Variants in MALSU1 observed in about 807,000 individuals in gnomAD.
MALSU1 encodes mitochondrial assembly of ribosomal large subunit 1.
In MALSU1, 22 loss-of-function variants were observed where a neutral mutation model predicts 22.1. The observed-to-expected ratio is 1.00, with a 90% confidence interval of 0.71 to 1.42. MALSU1 has a LOEUF of 1.42. Ranked by LOEUF, MALSU1 falls within the 40% of genes most tolerant of loss-of-function variation. The pLI is 0.00. For synonymous variants in MALSU1, 153 were observed against 118.5 expected, an observed-to-expected ratio of 1.29 and a Z score of -1.89; for missense variants, 379 against 308.3, an observed-to-expected ratio of 1.23 and a Z score of -1.72.
In MALSU1 at chr7:23,299,481, C is replaced by G; in HGVS notation, c.129C>G (p.Pro43=). The change falls in exon 1 of 4, where the codon CCC becomes CCG. Residue 43 remains proline (P), a synonymous_variant. Coordinates refer to ENST00000466681, the MANE Select transcript of MALSU1 (RefSeq NM_138446.2). ...GGCTGCTGGCCGTGCAGCGGCTTCC[C>G]GTAGGAGCAGCGTTCTGCCGGGCTT... ...GLRLLAVQRL[P]VGAAFCRACQ... 5 of 1,610,796 alleles carry G rather than the reference C, an allele frequency of 3.1e-6. No individual in the cohort carries two copies. Among genetic ancestry groups the G allele is most frequent in the Non-Finnish European group, 4.2e-6 (5 of 1,179,710 alleles).
chr7:23,301,029 TC>T lies in MALSU1; in HGVS notation c.435+13del, dbSNP rs752583239. On this transcript the variant is annotated intron_variant, in intron 2 of 3. Transcript: ENST00000466681. ...ACGTTGTGAAAATGGTAGGATGCTT[TC>T]TTTTCTCTTTTGGACCATTAACTGA... The T allele has an allele frequency of 4.4e-6, 7 of 1,606,594 alleles. No individual in the cohort carries two copies. In the South Asian group the frequency reaches 6.7e-5, roughly 15 times the overall value.
chr7:23,308,081 G>T, intron 3 of MALSU1, 132 bp downstream of exon 3: 1 of 760,740 alleles, frequency 1.3e-6, no homozygotes, highest in African/African-American at 1.8e-5. Context: ...TGTGTTTAAG[G>T]TAACAAAAGT....
At chr7:23,305,778 T>A (rs978030960) in intron 2 of MALSU1, among the ~76,000 whole-genome samples, 11 of 152,236 alleles carry the variant, frequency 7.2e-5, no homozygotes. Context: ...AGTATTGGCA[T>A]CTTTACAATA....
rs754315712 is a variant in MALSU1 at position 23,309,427 on chromosome 7, C to CG, written c.590dup (p.Ser198PhefsTer3). On this transcript the variant is annotated frameshift_variant, in exon 4 of 4. Transcript: ENST00000466681. LOFTEE classifies it high-confidence loss of function. Reference sequence around the variant, plus strand: ...TGAATTAGAGAAATTATGGACCCTACGTTCTTATGATGACCAGTTAGCTCA... The same window carrying CG: ...TGAATTAGAGAAATTATGGACCCTACGGTTCTTATGATGACCAGTTAGCTCA... The CG allele has an allele frequency of 5.7e-5, 92 of 1,613,446 alleles. No homozygotes were observed. The highest frequency in any genetic ancestry group is 7.4e-5 in the Non-Finnish European group (87 of 1,179,784).
rs1373677026 is a variant in MALSU1 at position 23,307,877 on chromosome 7, C to G, written c.445C>G (p.Leu149Val). 3 of 1,613,466 alleles carry G rather than the reference C, an allele frequency of 1.9e-6. No individual in the cohort carries two copies. The African/African-American group carries it at 4.0e-5, about 22-fold the overall frequency. The change falls in exon 3 of 4, where the codon CTG becomes GTG. Residue 149 changes from leucine (L) to valine (V), a missense_variant. Physicochemically the swap from Leu to Val is conservative, Grantham distance 32 (BLOSUM62 1). Coordinates refer to ENST00000466681, the MANE Select transcript of MALSU1 (RefSeq NM_138446.2). ...AFYVVKMYKH[L>V]KCKRDPHVKI... ...ACCTGGCTTTTTGCAGTACAAACAC[C>G]TGAAATGTAAACGTGACCCTCATGT...
rs1364515737 is a variant in MALSU1 at position 23,310,073 on chromosome 7, C to G, written c.*530C>G. The G allele has an allele frequency of 6.6e-6, 1 of 152,032 alleles. No homozygotes were observed. Among genetic ancestry groups the G allele is most frequent in the Non-Finnish European group, 1.5e-5 (1 of 68,034 alleles). The allele number at this position is 152,032 out of a possible 1,614,324, so 9.4% of individuals were successfully genotyped here. A position where few individuals can be genotyped will look rare whatever the true frequency, so the allele number is the denominator to read the frequency against. ...AACGCTCTAGTTCTTAGTTCATATGCAAGAGTATTATCAAGGTTCACATTA... is the reference window on the plus strand; with the variant it reads ...AACGCTCTAGTTCTTAGTTCATATGGAAGAGTATTATCAAGGTTCACATTA... On this transcript the variant is annotated 3_prime_UTR_variant, in exon 4 of 4. Transcript: ENST00000466681.
At position 23,307,968 on chromosome 7, in the gene MALSU1, T is replaced by C. The variant is rs2128489564; in HGVS notation, c.517+19T>C. 1.3e-6 allele frequency: 2 copies of C among 1,558,988 alleles called. No homozygotes were observed. Among genetic ancestry groups the C allele is most frequent in the Non-Finnish European group, 1.8e-6 (2 of 1,129,870 alleles). The stretch of plus-strand genomic sequence containing the variant: ...GATTTTGGTAAGTTATTCTGGCGTA[T>C]TTTACAGGTAACTGTTGGTACTACG... On this transcript the variant is annotated intron_variant, in intron 3 of 3. Transcript: ENST00000466681.
chr7:23,309,316 G>T, intron 3 of MALSU1, 40 bp from the exon 4 acceptor site: 1 of 1,542,366 alleles, frequency 6.5e-7, no homozygotes. Context: ...AAAAGCAAAT[G>T]AACTATTCCT....
chr7:23,303,014 G>A (rs1053325269), intron 2 of MALSU1, among the ~76,000 whole-genome samples: 14 of 152,152 alleles, frequency 9.2e-5, no homozygotes, highest in South Asian at 8.3e-4. Flanking sequence ...TGACCACCTC[G>A]GCCTCCCAAA....
intron 3 of MALSU1, among the ~76,000 whole-genome samples, chr7:23,308,555 A>G (rs1175440865): frequency 6.6e-6 from 1 of 152,192 alleles, no homozygotes; most frequent in Non-Finnish European, 1.5e-5. Context: ...GTAAAAGACA[A>G]GACTATTAGA....
chr7:23,299,507 G>GC lies in MALSU1; in HGVS notation c.157dup (p.Gln53ProfsTer41). 8.7e-6 allele frequency: 14 copies of GC among 1,612,424 alleles called. No homozygotes were observed. The highest frequency in any genetic ancestry group is 1.2e-5 in the Non-Finnish European group (14 of 1,179,866). On this transcript the variant is annotated frameshift_variant, in exon 1 of 4. Transcript: ENST00000466681. LOFTEE classifies it high-confidence loss of function. ...GTAGGAGCAGCGTTCTGCCGGGCTT[G>GC]CCAGACCCCAAACTTTGTCCGCGGC...
chr7:23,310,140 G>A lies in MALSU1; in HGVS notation c.*597G>A, dbSNP rs186194327. 46 of 152,170 alleles carry A rather than the reference G, an allele frequency of 3.0e-4. No homozygotes were observed. The highest frequency in any genetic ancestry group is 1.1e-3 in the African/African-American group (46 of 41,538). 9.4% of individuals were successfully genotyped at this position (152,170 alleles called of 1,614,324 possible). On this transcript the variant is annotated 3_prime_UTR_variant, in exon 4 of 4. Coordinates refer to ENST00000466681, the MANE Select transcript of MALSU1 (RefSeq NM_138446.2). ...ATGGTATAACAGAAATCTGCGTAGA[G>A]TTTGAAAAAAAATTCAGAACATTCC... is the stretch of plus-strand genomic sequence containing the variant.
chr7:23,311,186 C>G lies in MALSU1; in HGVS notation c.*1643C>G, dbSNP rs1378542442. ...TAGTGAGGCTCATGACAGTGCTGGC[C>G]CCATGGAAATGTAGCCTTTTGTTGC... On this transcript the variant is annotated 3_prime_UTR_variant, in exon 4 of 4. Transcript: ENST00000466681. 1 of 151,914 alleles carries G rather than the reference C, an allele frequency of 6.6e-6. No homozygotes were observed. Among genetic ancestry groups the G allele is most frequent in the African/African-American group, 2.4e-5 (1 of 41,320 alleles). 9.4% of individuals were successfully genotyped at this position (151,914 alleles called of 1,614,324 possible). A position where few individuals can be genotyped will look rare whatever the true frequency, so the allele number is the denominator to read the frequency against.
chr7:23,304,577 G>A lies in MALSU1; in HGVS notation c.436-3291G>A, dbSNP rs140499486. On this transcript the variant is annotated intron_variant, in intron 2 of 3. Transcript: ENST00000466681. ...TGCAGTGGTGTGGTCATAGCTCACT[G>A]CAGCCTGGAACTTCTGGGCTCGAGT... Among the ~76,000 whole-genome samples the A allele has an allele frequency of 3.5e-3, 538 of 152,296 alleles. 6 individuals are homozygous for A. The highest frequency in any genetic ancestry group is 0.012 in the African/African-American group (510 of 41,562).
At chr7:23,304,777 GTTGT>G (rs1244785864) in intron 2 of MALSU1, among the ~76,000 whole-genome samples, 1 of 152,186 alleles carries the variant, frequency 6.6e-6, no homozygotes, top group African/African-American at 2.4e-5. Context: ...TTAAAATCAG[GTTGT>G]TTGTTGTTTT....
chr7:23,299,712 G>T, intron 1 of MALSU1, 104 bp downstream of exon 1: 1 of 1,299,626 alleles, frequency 7.7e-7, no homozygotes. Context: ...TTCTCTTGGA[G>T]TCACAAAACT....
At chr7:23,299,822 C>G (rs1783617741) in intron 1 of MALSU1, among the ~76,000 whole-genome samples, 1 of 152,112 alleles carries the variant, frequency 6.6e-6, no homozygotes. Flanking sequence ...CTGCAGAATC[C>G]CAGCCTCCCG....
intron 1 of MALSU1, among the ~76,000 whole-genome samples, chr7:23,300,131 T>G (rs922649626): frequency 4.0e-4 from 61 of 151,840 alleles, no homozygotes; most frequent in Non-Finnish European, 5.9e-5. Context: ...TCCTTTGGAG[T>G]CGGCTTTAGA....
At chr7:23,308,010 T>A in intron 3 of MALSU1, 61 bp downstream of exon 3, 1 of 1,214,736 alleles carries the variant, frequency 8.2e-7, no homozygotes. Flanking sequence ...TTGAATTGTT[T>A]TCAGTTGCAA....
Sources: allele counts gnomAD v4.1 joint callset (sites outside exome capture counted in the v4.1 genomes callset), GRCh38; gene constraint gnomAD v4.1.1; transcripts MANE v1.5; gene names NCBI Gene and HGNC (gene_info 2026-07-23, HGNC 2026-07-21).